The following LARS2 variants were observed in gnomAD, a reference collection of about 807,000 sequenced individuals.
LARS2 encodes the protein leucyl-tRNA synthetase 2, mitochondrial.
Under a neutral mutation model 116.6 loss-of-function variants are expected in LARS2, and 81 were observed. That is an observed-to-expected ratio of 0.69 (90% CI 0.58 to 0.84). The LOEUF (loss-of-function observed/expected upper bound fraction) is 0.84. Ranked by LOEUF, LARS2 falls within the 40% of genes least tolerant of loss-of-function variation. The probability of loss-of-function intolerance (pLI) is 0.00; values close to 1 mark genes in which losing one functional copy is unlikely to be tolerated. For missense variants in LARS2, 968 were observed against 1,114.5 expected, an observed-to-expected ratio of 0.87 and a Z score of 1.87; for synonymous variants, 396 against 407.2, an observed-to-expected ratio of 0.97 and a Z score of 0.33.
chr3:45,500,336 C>T, intron 14 of LARS2, 106 bp from the exon 15 acceptor site: 1 of 1,110,006 alleles, frequency 9.0e-7, no homozygotes, highest in Non-Finnish European at 1.3e-6. Context: ...TTGTTATTCC[C>T]TGATACGGTT....
chr3:45,427,854 T>C (rs1456981520), intron 6 of LARS2, among the ~76,000 whole-genome samples: 1 of 149,850 alleles, frequency 6.7e-6, no homozygotes, highest in African/African-American at 2.5e-5. Context: ...GGAGTTTTGC[T>C]CTTCTTGCTC....
intron 7 of LARS2, among the ~76,000 whole-genome samples, chr3:45,449,260 T>G (rs558628723): frequency 2.7e-5 from 4 of 150,854 alleles, no homozygotes; most frequent in Admixed American, 1.3e-4. Context: ...CCTCCCGGGT[T>G]CAAGCAATTC....
At chr3:45,504,460 G>T (rs556287447) in intron 15 of LARS2, among the ~76,000 whole-genome samples, 4 of 151,890 alleles carry the variant, frequency 2.6e-5, no homozygotes, top group Non-Finnish European at 5.9e-5. Context: ...TTAATTTAGG[G>T]TCTAAATTAA....
Position 45,417,538 on chromosome 3 carries a change from C to A in LARS2, c.420C>A (p.Val140=), listed in dbSNP as rs764326133. 8 of 1,613,678 alleles carry A rather than the reference C, an allele frequency of 5.0e-6. No individual in the cohort carries two copies. The highest frequency in any genetic ancestry group is 4.5e-5 in the East Asian group (2 of 44,886). The part of the protein sequence containing the change: ...AFGLPAENAA[V]ERNLHPQSWT... ...GATTGCCTGCTGAAAATGCCGCAGT[C>A]GAGAGGAATCTACATCCACAAAGTT... The change falls in exon 5 of 22, where the codon GTC becomes GTA. Residue 140 remains valine, a synonymous_variant. Transcript: ENST00000645846.
At chr3:45,440,510 G>A (rs900595700) in intron 6 of LARS2, among the ~76,000 whole-genome samples, 2 of 152,174 alleles carry the variant, frequency 1.3e-5, no homozygotes, top group South Asian at 2.1e-4. Flanking sequence ...TGCAGTGGCC[G>A]CTCACCTTTC....
intron 7 of LARS2, among the ~76,000 whole-genome samples, chr3:45,454,053 G>A (rs1489990132): frequency 6.6e-6 from 1 of 152,146 alleles, no homozygotes; most frequent in Non-Finnish European, 1.5e-5. Context: ...AGGATCTGAG[G>A]GAAGAGGAGG....
intron 19 of LARS2, among the ~76,000 whole-genome samples, chr3:45,522,615 C>T (rs548252971): frequency 2.0e-5 from 3 of 152,274 alleles, no homozygotes; most frequent in Admixed American, 2.0e-4. Context: ...CACCTGTGCA[C>T]CTGTAGTCCC....
At chr3:45,507,718 A>G (rs896117566) in intron 15 of LARS2, among the ~76,000 whole-genome samples, 1 of 152,128 alleles carries the variant, frequency 6.6e-6, no homozygotes, top group Non-Finnish European at 1.5e-5. Context: ...TTATATATAC[A>G]AGCACATATA....
chr3:45,431,485 CAG>C (rs1397047609), intron 6 of LARS2, among the ~76,000 whole-genome samples: 1 of 152,072 alleles, frequency 6.6e-6, no homozygotes, highest in East Asian at 1.9e-4. Flanking sequence ...TTTTGATACA[CAG>C]TGTATAAAGA....
chr3:45,516,810 A>G (rs1700375054), intron 17 of LARS2, among the ~76,000 whole-genome samples: 1 of 152,192 alleles, frequency 6.6e-6, no homozygotes, highest in Non-Finnish European at 1.5e-5. Context: ...AGTCACCCAC[A>G]GCACCCTTCA....
intron 1 of LARS2, 85 bp from the exon 2 acceptor site, chr3:45,391,494 AAAAC>A (rs1221701035): frequency 1.3e-5 from 2 of 151,828 alleles, no homozygotes; most frequent in Admixed American, 6.6e-5. Flanking sequence ...AAAAAAAAAA[AAAAC>A]AAAATCCATC....
intron 2 of LARS2, among the ~76,000 whole-genome samples, chr3:45,393,372 C>T (rs1276801367): frequency 1.3e-5 from 2 of 151,812 alleles, no homozygotes; most frequent in Non-Finnish European, 2.9e-5. Flanking sequence ...GTCAGCAGTT[C>T]GACACCAACC....
chr3:45,481,519 T>G (rs1288352269), intron 10 of LARS2, among the ~76,000 whole-genome samples: 1 of 152,224 alleles, frequency 6.6e-6, no homozygotes, highest in Non-Finnish European at 1.5e-5. Flanking sequence ...TCTTATTGTC[T>G]GTGGTCATTT....
At chr3:45,440,946 G>C (rs1698895866) in intron 6 of LARS2, among the ~76,000 whole-genome samples, 1 of 147,850 alleles carries the variant, frequency 6.8e-6, no homozygotes, top group Admixed American at 6.7e-5. Context: ...TACCCCAGTA[G>C]GCTGATGGGT....
intron 4 of LARS2, among the ~76,000 whole-genome samples, chr3:45,409,653 G>T (rs748697222): frequency 6.6e-6 from 1 of 152,086 alleles, no homozygotes; most frequent in Non-Finnish European, 1.5e-5. Context: ...TGAGCTTTGC[G>T]CTTGGTCACT....
intron 8 of LARS2, among the ~76,000 whole-genome samples, chr3:45,472,195 G>T (rs763086787): frequency 1.3e-5 from 2 of 152,218 alleles, no homozygotes; most frequent in Non-Finnish European, 2.9e-5. Flanking sequence ...TTAAGCCATT[G>T]CTGCCATTGG....
intron 15 of LARS2, among the ~76,000 whole-genome samples, chr3:45,508,439 T>C (rs568853368): frequency 1.3e-5 from 2 of 152,136 alleles, no homozygotes; most frequent in Non-Finnish European, 2.9e-5. Context: ...ATTTCAAGAA[T>C]GAGCCATGGC....
intron 6 of LARS2, among the ~76,000 whole-genome samples, chr3:45,428,239 G>GTTTTTTTTTTT (rs35323496): frequency 2.4e-5 from 2 of 84,228 alleles, no homozygotes; most frequent in Non-Finnish European, 2.0e-5. Context: ...ATCTTAACCT[G>GTTTTTTTTTTT]TTTTTTTTTT....
At chr3:45,543,318 T>C (rs1019970943) in intron 21 of LARS2, among the ~76,000 whole-genome samples, 3 of 152,112 alleles carry the variant, frequency 2.0e-5, no homozygotes, top group African/African-American at 7.2e-5. Context: ...TGATTATTAT[T>C]ATTATTTAAT....
Sources: gnomAD v4.1 joint callset for allele counts (sites outside exome capture counted in the v4.1 genomes callset) on GRCh38, gnomAD v4.1.1 for gene constraint, MANE v1.5 for transcripts, NCBI Gene and HGNC (gene_info 2026-07-23, HGNC 2026-07-21) for gene names.